The following TPM4 variants were observed in gnomAD, a reference collection of about 807,000 sequenced individuals.
The protein encoded by TPM4 is tropomyosin alpha-4 chain.
Under a neutral mutation model 35.8 loss-of-function variants are expected in TPM4, and 17 were observed. The ratio of observed to expected loss-of-function variants is 0.47; its 90% CI spans 0.32 to 0.71. The LOEUF is 0.71. Ranked by LOEUF, TPM4 falls within the 30% of genes least tolerant of loss-of-function variation. The pLI is 0.03. For missense variants in TPM4, 240 were observed against 320.9 expected (o/e 0.75, Z 1.93); for synonymous variants, 120 against 122.9 (o/e 0.98, Z 0.15).
At position 16,088,999 on chromosome 19, in the gene TPM4, G is replaced by A. The variant is rs45623641; in HGVS notation, c.456-46G>A. 348 of 1,612,322 alleles carry A rather than the reference G, an allele frequency of 2.2e-4. 2 individuals are homozygous for A. The highest frequency in any genetic ancestry group is 3.3e-4 in the Middle Eastern group (2 of 6,054). On this transcript the variant is annotated intron_variant, in intron 4 of 7. Coordinates refer to ENST00000643579, the MANE Select transcript of TPM4 (RefSeq NM_003290.3). Reference sequence around the variant, plus strand: ...TGTTGGGGCGATTGCTATTATTGCCGGCTGTAAGGGAAGATAAGACACAAA... The same window carrying A: ...TGTTGGGGCGATTGCTATTATTGCCAGCTGTAAGGGAAGATAAGACACAAA...
intron 4 of TPM4, chr19:16,088,781 C>G: frequency 8.2e-7 from 1 of 1,224,864 alleles, no homozygotes; most frequent in Non-Finnish European, 1.0e-6. Flanking sequence ...CAGCCTTACC[C>G]TTGGCAAAAG....
At chr19:16,084,200 G>A (rs936719975) in intron 2 of TPM4, among the ~76,000 whole-genome samples, 5 of 152,102 alleles carry the variant, frequency 3.3e-5, no homozygotes, top group Admixed American at 6.6e-5. Context: ...GTGCTGGCAC[G>A]CCTAGCTAAT....
At chr19:16,095,156 A>T in intron 7 of TPM4, 1 of 620,190 alleles carries the variant, frequency 1.6e-6, no homozygotes, top group Non-Finnish European at 2.0e-6. Context: ...TTGTTTGCTC[A>T]CGTGTTTTTT....
At chr19:16,085,309 A>G (rs1281109625) in intron 2 of TPM4, among the ~76,000 whole-genome samples, 1 of 151,668 alleles carries the variant, frequency 6.6e-6, no homozygotes, top group East Asian at 2.0e-4. Context: ...GCTGGAGAGC[A>G]GTGGTGCAAT....
chr19:16,093,054 T>TAAAA, intron 5 of TPM4: 1 of 167,874 alleles, frequency 6.0e-6, no homozygotes, highest in Non-Finnish European at 1.3e-5. Context: ...GGGGTCTCAC[T>TAAAA]ATGTGACCCA....
Position 16,093,583 on chromosome 19 carries a change from T to C in TPM4, c.579T>C (p.Ser193=). 2 of 1,614,232 alleles carry C rather than the reference T, an allele frequency of 1.2e-6. No homozygotes were observed. The highest frequency in any genetic ancestry group is 1.7e-6 in the Non-Finnish European group (2 of 1,180,042). The change falls in exon 6 of 8, where the codon TCT becomes TCC. Residue 193 remains serine (S), a synonymous_variant. Coordinates refer to ENST00000643579, the MANE Select transcript of TPM4 (RefSeq NM_003290.3). ...ATGAAGAAGAAATTAAACTTCTGTCTGACAAACTGAAAGAGGTGAGTGTGG... is the reference window on the plus strand; with the variant it reads ...ATGAAGAAGAAATTAAACTTCTGTCCGACAAACTGAAAGAGGTGAGTGTGG... ...DKYEEEIKLL[S]DKLKEAETRA... is the part of the protein sequence containing the mutation.
At chr19:16,101,045 T>G in intron 7 of TPM4, 1 of 371,798 alleles carries the variant, frequency 2.7e-6, no homozygotes, top group Non-Finnish European at 5.1e-6. Context: ...GTGGCACGCG[T>G]CTGTAATCCC....
intron 7 of TPM4, chr19:16,099,550 C>T (rs1399278721): frequency 6.6e-6 from 1 of 152,134 alleles, no homozygotes; most frequent in Admixed American, 6.5e-5. Flanking sequence ...TGCCACTGCA[C>T]TCCAGCCTGG....
At chr19:16,099,893 G>A (rs1460832649) in intron 7 of TPM4, 1 of 152,090 alleles carries the variant, frequency 6.6e-6, no homozygotes, top group Admixed American at 6.6e-5. Flanking sequence ...CCTGGGGTTT[G>A]TCTCCGTTCT....
intron 7 of TPM4, chr19:16,100,013 C>T (rs1662694933): frequency 6.6e-6 from 1 of 152,192 alleles, no homozygotes; most frequent in African/African-American, 2.4e-5. Context: ...ATCAAAGGCT[C>T]AGGGGCTAAT....
chr19:16,101,215 C>T, intron 7 of TPM4, 49 bp from the exon 8 acceptor site: 5 of 1,374,740 alleles, frequency 3.6e-6, no homozygotes, highest in Non-Finnish European at 5.0e-6. Flanking sequence ...TTTCATTTAA[C>T]AAAGACGCTT....
At position 16,067,616 on chromosome 19, in the gene TPM4, C is replaced by A. The variant is rs753129956; in HGVS notation, c.-9C>A. Reference sequence around the variant, plus strand: ...GCGCACCCCACGTCCCCCACGCCAGCGCCCAGCCATGGAGGCCATCAAGAA... The same window carrying A: ...GCGCACCCCACGTCCCCCACGCCAGAGCCCAGCCATGGAGGCCATCAAGAA... On this transcript the variant is annotated 5_prime_UTR_variant, in exon 2 of 3. Coordinates refer to the TPM4 transcript ENST00000589897. The surrounding 1 kb of genome is among the most constrained non-coding windows in gnomAD (Gnocchi z 4.1). The A allele has an allele frequency of 1.9e-6, 3 of 1,611,746 alleles. No individual in the cohort carries two copies. Among genetic ancestry groups the A allele is most frequent in the Non-Finnish European group, 2.5e-6 (3 of 1,179,128 alleles).
At chr19:16,097,285 T>C (rs942398550) in intron 7 of TPM4, among the ~76,000 whole-genome samples, 2 of 149,732 alleles carry the variant, frequency 1.3e-5, no homozygotes. Context: ...TTTTCTTCTT[T>C]CTTTTTGAGA....
intron 5 of TPM4, 31 bp from the exon 6 acceptor site, chr19:16,093,505 T>A (rs770495180): frequency 1.9e-6 from 3 of 1,613,312 alleles, no homozygotes; most frequent in Non-Finnish European, 2.5e-6. Context: ...GGCCTCCTTT[T>A]CTTAAAGCAG....
Position 16,091,300 on chromosome 19 carries a change from C to T in TPM4, c.531+2180C>T, listed in dbSNP as rs549830274. Among the ~76,000 whole-genome samples the T allele has an allele frequency of 5.3e-5, 8 of 152,224 alleles. No homozygotes were observed. The South Asian group carries it at 1.7e-3, about 32-fold the overall frequency. ...CTCCTGACCTCAAGTGATCCACCCA[C>T]CTCGGCCTCCCAAAGGGCTGGGATT... On this transcript the variant is annotated intron_variant, in intron 5 of 7. Coordinates refer to ENST00000643579, the MANE Select transcript of TPM4 (RefSeq NM_003290.3).
In TPM4 at chr19:16,101,861, G is replaced by A. The variant is rs2090766487; in HGVS notation, c.*515G>A. ...TGGGGGCCGGGGGTGGCTATTGTGG[G>A]AAGTCATAACCCACAGATAGATCAA... is the stretch of plus-strand genomic sequence containing the variant. On this transcript the variant is annotated 3_prime_UTR_variant, in exon 8 of 8. Coordinates refer to ENST00000643579, the MANE Select transcript of TPM4 (RefSeq NM_003290.3). The A allele has an allele frequency of 4.4e-6, 1 of 228,126 alleles. No individual in the cohort carries two copies. The highest frequency in any genetic ancestry group is 1.8e-4 in the South Asian group (1 of 5,536). 14.1% of individuals were successfully genotyped at this position (228,126 alleles called of 1,614,324 possible). A position where few individuals can be genotyped will look rare whatever the true frequency, so the allele number is the denominator to read the frequency against.
upstream of TPM4, chr19:16,076,207 G>A: frequency 6.4e-7 from 1 of 1,551,128 alleles, no homozygotes; most frequent in Admixed American, 2.0e-5. Flanking sequence ...CCGCGGCGGG[G>A]CCAGGCCGGA....
Position 16,101,912 on chromosome 19 carries a change from T to G in TPM4, c.*566T>G, listed in dbSNP as rs2090766751. The G allele has an allele frequency of 4.4e-6, 1 of 225,952 alleles. No homozygotes were observed. The highest frequency in any genetic ancestry group is 8.8e-6 in the Non-Finnish European group (1 of 113,612). 14.0% of individuals were successfully genotyped at this position (225,952 alleles called of 1,614,324 possible). A position where few individuals can be genotyped will look rare whatever the true frequency, so the allele number is the denominator to read the frequency against. Reference sequence around the variant, plus strand: ...CCTAAGAATCCTGGCCCTTCTCCACTCTCCACCATGCAGGACAAACATCTT... The same window carrying G: ...CCTAAGAATCCTGGCCCTTCTCCACGCTCCACCATGCAGGACAAACATCTT... On this transcript the variant is annotated 3_prime_UTR_variant, in exon 8 of 8. Coordinates refer to ENST00000643579, the MANE Select transcript of TPM4 (RefSeq NM_003290.3).
At chr19:16,078,433 A>T (rs2278006) in intron 1 of TPM4, among the ~76,000 whole-genome samples, 75,608 of 152,036 alleles carry the variant, frequency 0.5, 19,864 homozygotes, top group East Asian at 0.72. Flanking sequence ...AATTGCCAGG[A>T]CTGGAAAGAG....
Sources: allele counts gnomAD v4.1 joint callset (sites outside exome capture counted in the v4.1 genomes callset), GRCh38; gene constraint gnomAD v4.1.1; non-coding constraint Gnocchi (gnomAD v3.1); transcripts MANE v1.5; gene names NCBI Gene and HGNC (gene_info 2026-07-23, HGNC 2026-07-21).